The following PTPRM variants were observed in gnomAD, a reference collection of about 807,000 sequenced individuals.
PTPRM encodes protein tyrosine phosphatase receptor type M.
PTPRM carries 47 observed loss-of-function variants against 186.7 expected under a neutral mutation model. That is an observed-to-expected ratio of 0.25 (90% confidence interval 0.20 to 0.32). The LOEUF is 0.32. Among genes scored for constraint, PTPRM ranks in the 10% least tolerant of loss-of-function variants. The probability of loss-of-function intolerance (pLI) is 1.00; values close to 1 mark genes in which losing one functional copy is unlikely to be tolerated. For missense variants in PTPRM, 1,494 were observed against 1,865.0 expected (o/e 0.80, Z 3.66); for synonymous variants, 668 against 674.9 (o/e 0.99, Z 0.16).
chr18:7,755,660 T>G (rs958809355), intron 1 of PTPRM, among the ~76,000 whole-genome samples: 4 of 152,244 alleles, frequency 2.6e-5, no homozygotes, highest in African/African-American at 9.6e-5. Flanking sequence ...TTGGTTGCTT[T>G]TCTTAAATAT....
intron 2 of PTPRM, among the ~76,000 whole-genome samples, chr18:7,833,824 C>G (rs1308764294): frequency 6.6e-6 from 1 of 152,162 alleles, no homozygotes; most frequent in Non-Finnish European, 1.5e-5. Flanking sequence ...ATTTTGTGTC[C>G]TGCAACTTTA....
rs528931865 is a variant in PTPRM, at chr18:7,669,689, G to A, written c.73+101798G>A. ...TTCCCTCCCCATGCAAGGCACATGT[G>A]GTGAGAGGGTTAGGGAGAGAATGCA... is the stretch of plus-strand genomic sequence containing the variant. On this transcript the variant is annotated intron_variant, in intron 1 of 32. Coordinates refer to ENST00000580170, the MANE Select transcript of PTPRM (RefSeq NM_001105244.2). Among the ~76,000 whole-genome samples, 18 of 152,198 alleles carry A rather than the reference G, an allele frequency of 1.2e-4. No individual in the cohort carries two copies. The South Asian group carries it at 1.2e-3, about 11-fold the overall frequency.
Position 8,280,417 on chromosome 18 carries a change from G to A in PTPRM, c.2755-15951G>A, listed in dbSNP as rs570198596. Among the ~76,000 whole-genome samples, 421 of 137,080 alleles carry A rather than the reference G, an allele frequency of 3.1e-3. 1 individual carries two copies. Among genetic ancestry groups the A allele is most frequent in the African/African-American group, 1.0e-2 (388 of 38,994 alleles). 89.9% of individuals were successfully genotyped at this position (137,080 alleles called of 152,430 possible). On this transcript the variant is annotated intron_variant, in intron 19 of 32. Coordinates refer to ENST00000580170, the MANE Select transcript of PTPRM (RefSeq NM_001105244.2). ...TGAATTTGTGGTCGGGGGTGGGGGGGGGGTCACAATTCAGCCTGTGACACT... is the reference window on the plus strand; with the variant it reads ...TGAATTTGTGGTCGGGGGTGGGGGGAGGGTCACAATTCAGCCTGTGACACT...
Position 7,602,746 on chromosome 18 carries a change from C to T in PTPRM, c.73+34855C>T, listed in dbSNP as rs566107726. ...GTCCCATTTCTCCTTGCACTGTGAA[C>T]GTGGAACCTTAAAAATAAAAGTGTT... is the stretch of plus-strand genomic sequence containing the variant. On this transcript the variant is annotated intron_variant, in intron 1 of 32. Transcript: ENST00000580170. Among the ~76,000 whole-genome samples, 11 of 150,352 alleles carry T rather than the reference C, an allele frequency of 7.3e-5. No homozygotes were observed. In the South Asian group the frequency reaches 1.3e-3, roughly 17 times the overall value.
intron 2 of PTPRM, among the ~76,000 whole-genome samples, chr18:7,834,497 C>CACACACACACATACACACACACAT: frequency 7.1e-6 from 1 of 140,778 alleles, no homozygotes; most frequent in East Asian, 2.2e-4. Context: ...AGTATACACA[C>CACACACACACATACACACACACAT]ACACACACAC....
rs1481637081 is a variant in PTPRM at position 7,725,617 on chromosome 18, G to A, written c.74-48532G>A. Among the ~76,000 whole-genome samples the A allele has an allele frequency of 4.6e-5, 7 of 152,016 alleles. No individual in the cohort carries two copies. In the East Asian group the frequency reaches 5.8e-4, roughly 13 times the overall value. Reference sequence around the variant, plus strand: ...CAGAGGGGAGAAGCAGCTGGACATCGGAGACTATGGTTGGATGTCGGAAAG... The same window carrying A: ...CAGAGGGGAGAAGCAGCTGGACATCAGAGACTATGGTTGGATGTCGGAAAG... On this transcript the variant is annotated intron_variant, in intron 1 of 32. Transcript: ENST00000580170.
chr18:7,904,984 C>CT lies in PTPRM; in HGVS notation c.469-1513dup, dbSNP rs562315923. Among the ~76,000 whole-genome samples, 76 of 151,806 alleles carry CT rather than the reference C, an allele frequency of 5.0e-4. 3 individuals are homozygous for CT. In the South Asian group the frequency reaches 0.015, roughly 30 times the overall value. ...CTTTTACTGGTTCTTTCTTTCTTTCCTTTTTTTTATTTTTTTTTATTTTGT... is the reference window on the plus strand; with the variant it reads ...CTTTTACTGGTTCTTTCTTTCTTTCCTTTTTTTTTATTTTTTTTTATTTTGT... On this transcript the variant is annotated intron_variant, in intron 3 of 32. Transcript: ENST00000580170.
chr18:7,727,171 G>T (rs1172750984), intron 1 of PTPRM, among the ~76,000 whole-genome samples: 1 of 151,998 alleles, frequency 6.6e-6, no homozygotes, highest in Non-Finnish European at 1.5e-5. Flanking sequence ...TGACTAACAG[G>T]GATATTGTAA....
chr18:8,223,290 C>G (rs1052427777), intron 14 of PTPRM, among the ~76,000 whole-genome samples: 3 of 151,946 alleles, frequency 2.0e-5, no homozygotes, highest in Non-Finnish European at 2.9e-5. Flanking sequence ...AAATGCATAG[C>G]CATGTGGTAG....
At chr18:7,607,709 C>T (rs1191098871) in intron 1 of PTPRM, among the ~76,000 whole-genome samples, 1 of 152,200 alleles carries the variant, frequency 6.6e-6, no homozygotes, top group Admixed American at 6.5e-5. Flanking sequence ...GTGATACGTG[C>T]TAGGCTGCTG....
chr18:8,105,193 A>G (rs560375828), intron 11 of PTPRM, among the ~76,000 whole-genome samples: 51 of 152,320 alleles, frequency 3.3e-4, no homozygotes, highest in African/African-American at 1.2e-3. Flanking sequence ...TGTTTTTATT[A>G]TTACTTACTG....
chr18:7,760,770 G>T (rs1685946509), intron 1 of PTPRM, among the ~76,000 whole-genome samples: 1 of 152,226 alleles, frequency 6.6e-6, no homozygotes, highest in Non-Finnish European at 1.5e-5. Context: ...CTAGAAGGTA[G>T]ATGGTTTTAT....
At chr18:8,320,395 CCA>C (rs1276925237) in intron 22 of PTPRM, among the ~76,000 whole-genome samples, 3 of 152,096 alleles carry the variant, frequency 2.0e-5, no homozygotes, top group Non-Finnish European at 4.4e-5. Context: ...GCAGTTGTAG[CCA>C]GAGAGCAGAA....
chr18:8,247,968 G>A, intron 16 of PTPRM, 49 bp downstream of exon 16: 1 of 1,475,128 alleles, frequency 6.8e-7, no homozygotes, highest in Non-Finnish European at 9.5e-7. Flanking sequence ...TCAGCAGTCA[G>A]AATCACTCCG....
intron 1 of PTPRM, among the ~76,000 whole-genome samples, chr18:7,773,034 A>C (rs556876713): frequency 2.5e-4 from 38 of 152,308 alleles, no homozygotes; most frequent in African/African-American, 8.9e-4. Context: ...AGATGGGACA[A>C]AATCATCAAC....
intron 11 of PTPRM, among the ~76,000 whole-genome samples, chr18:8,102,058 T>C (rs536332639): frequency 1.8e-4 from 28 of 152,352 alleles, no homozygotes; most frequent in African/African-American, 6.3e-4. Context: ...GTTTATATTA[T>C]ACTGTAGTCT....
chr18:8,374,705 C>G (rs78037161), intron 24 of PTPRM, among the ~76,000 whole-genome samples: 2 of 152,162 alleles, frequency 1.3e-5, no homozygotes. Flanking sequence ...AGCTTAAACT[C>G]TAGTAAAGAA....
intron 7 of PTPRM, among the ~76,000 whole-genome samples, chr18:8,010,784 A>G (rs2084482097): frequency 6.6e-6 from 1 of 152,182 alleles, no homozygotes; most frequent in Non-Finnish European, 1.5e-5. Flanking sequence ...TCAGAAGAAG[A>G]GGCAGGGAAA....
chr18:7,574,096 C>T (rs982318783), intron 1 of PTPRM, among the ~76,000 whole-genome samples: 2 of 152,134 alleles, frequency 1.3e-5, no homozygotes, highest in African/African-American at 4.8e-5. Flanking sequence ...GATCTTCTGC[C>T]TGCCCTATCA....
Sources: allele counts gnomAD v4.1 joint callset (sites outside exome capture counted in the v4.1 genomes callset), GRCh38; gene constraint gnomAD v4.1.1; transcripts MANE v1.5; gene names NCBI Gene and HGNC (gene_info 2026-07-23, HGNC 2026-07-21).